The following CST7 variants were observed in gnomAD, a reference collection of about 807,000 sequenced individuals.
CST7 encodes the protein cystatin F.
CST7 carries 15 observed loss-of-function variants against 13.1 expected under a neutral mutation model. The ratio of observed to expected loss-of-function variants is 1.14; its 90% CI spans 0.77 to 1.76. The LOEUF is 1.76. CST7 is among the 40% of genes most tolerant of loss of function. The pLI, the probability that CST7 is intolerant of heterozygous loss-of-function variation, is 0.00. For missense variants in CST7, 193 were observed against 178.8 expected (o/e 1.08, Z -0.45); for synonymous variants, 75 against 66.9 (o/e 1.12, Z -0.59).
intron 1 of CST7, among the ~76,000 whole-genome samples, chr20:24,956,993 ACAGGTG>A (rs2087859361): frequency 1.7e-4 from 2 of 11,726 alleles, no homozygotes; most frequent in Admixed American, 8.6e-4. Flanking sequence ...GTCGGGGGGG[ACAGGTG>A]AGGGGGCAGG....
In CST7 at chr20:24,959,044, G is replaced by A. The variant is rs1382821702; in HGVS notation, c.360G>A (p.Gln120=). Residue 120 remains glutamine, a splice_region_variant and synonymous_variant, in exon 3 of 4, where the codon CAG becomes CAA. Coordinates refer to ENST00000480798, the MANE Select transcript of CST7 (RefSeq NM_003650.4). ...CDFQTNHTLK[Q]TLSCYSEVWV... is the part of the protein sequence containing the mutation. The stretch of plus-strand genomic sequence containing the variant: ...TCCAAACCAACCACACCTTGAAGCA[G>A]GTAAAGCAGCAGGCCCTTCTCTCAG... The A allele has an allele frequency of 2.5e-6, 4 of 1,611,388 alleles. No individual in the cohort carries two copies. The highest frequency in any genetic ancestry group is 1.1e-5 in the South Asian group (1 of 91,010).
intron 2 of CST7, among the ~76,000 whole-genome samples, chr20:24,958,220 G>A (rs182187556): frequency 2.0e-3 from 311 of 152,194 alleles, no homozygotes; most frequent in Non-Finnish European, 3.5e-3. Context: ...TATGAGAATC[G>A]TGGGTGTGTA....
At chr20:24,953,773 C>G (rs2087835642) in intron 1 of CST7, among the ~76,000 whole-genome samples, 1 of 152,214 alleles carries the variant, frequency 6.6e-6, no homozygotes, top group African/African-American at 2.4e-5. Context: ...TCCCCCATTC[C>G]CCTCGAGCAG....
Position 24,949,522 on chromosome 20 carries a change from CTCTGCTGGCCT to C in CST7, c.25_35del (p.Ala9ProfsTer19). ...CGGGCAGCCATGCGAGCGGCTGGAACTCTGCTGGCCTTCTGCTGCCTGGTCTTGAGCACCAC... is the reference window on the plus strand; with the variant it reads ...CGGGCAGCCATGCGAGCGGCTGGAACTCTGCTGCCTGGTCTTGAGCACCAC... On this transcript the variant is annotated frameshift_variant, in exon 1 of 4. Coordinates refer to ENST00000480798, the MANE Select transcript of CST7 (RefSeq NM_003650.4). LOFTEE classifies it high-confidence loss of function. 2 of 1,614,174 alleles carry C rather than the reference CTCTGCTGGCCT, an allele frequency of 1.2e-6. No individual in the cohort carries two copies. Among genetic ancestry groups the C allele is most frequent in the Non-Finnish European group, 1.7e-6 (2 of 1,180,046 alleles).
chr20:24,952,655 G>A (rs2087827433), intron 1 of CST7, among the ~76,000 whole-genome samples: 2 of 152,176 alleles, frequency 1.3e-5, no homozygotes. Context: ...TGGGTGATGG[G>A]GGCCGATGGG....
chr20:24,953,200 C>A (rs944051881), intron 1 of CST7, among the ~76,000 whole-genome samples: 15 of 152,202 alleles, frequency 9.9e-5, no homozygotes, highest in Non-Finnish European at 1.8e-4. Flanking sequence ...CCAGTAGATG[C>A]TCAGAAACAC....
intron 1 of CST7, among the ~76,000 whole-genome samples, chr20:24,951,366 C>T (rs1481023923): frequency 1.3e-5 from 2 of 152,234 alleles, no homozygotes; most frequent in Admixed American, 6.5e-5. Context: ...CAGCCCCCTG[C>T]TCTGTCTAGT....
intron 1 of CST7, among the ~76,000 whole-genome samples, chr20:24,956,428 A>G (rs1444661533): frequency 6.6e-6 from 1 of 152,208 alleles, no homozygotes; most frequent in East Asian, 1.9e-4. Flanking sequence ...AGCAGGCACA[A>G]AGACGCACGT....
intron 3 of CST7, 84 bp downstream of exon 3, chr20:24,959,128 C>T (rs45556041): frequency 0.11 from 118,776 of 1,094,586 alleles, 7,185 homozygotes; most frequent in Middle Eastern, 0.2. Context: ...ACCGTCACCA[C>T]GTCTCTAACG....
At chr20:24,956,286 GC>G (rs2087853614) in intron 1 of CST7, among the ~76,000 whole-genome samples, 1 of 152,142 alleles carries the variant, frequency 6.6e-6, no homozygotes, top group Non-Finnish European at 1.5e-5. Flanking sequence ...CTCCTCTGGG[GC>G]CCTCGCTCTG....
intron 1 of CST7, among the ~76,000 whole-genome samples, chr20:24,953,304 G>C (rs1230721429): frequency 1.3e-5 from 2 of 152,214 alleles, no homozygotes; most frequent in African/African-American, 2.4e-5. Flanking sequence ...CTGGGGCCCG[G>C]GTTTTTAAGG....
intron 1 of CST7, among the ~76,000 whole-genome samples, chr20:24,950,257 C>T (rs756605727): frequency 1.3e-5 from 2 of 152,204 alleles, no homozygotes; most frequent in African/African-American, 2.4e-5. Flanking sequence ...CCTCATTTAA[C>T]CAACCAGGAA....
At chr20:24,957,592 G>A in intron 2 of CST7, 133 bp downstream of exon 2, 4 of 880,054 alleles carry the variant, frequency 4.5e-6, no homozygotes, top group Non-Finnish European at 7.1e-6. Flanking sequence ...GCAGAAAGCA[G>A]ATGCACAAGG....
rs753423813 is a variant in CST7, at chr20:24,959,702, G to T, written c.428G>T (p.Arg143Leu). ...CAGCACTTCGAGGTGCCTGTTCTCC[G>T]TTGTCACTGACCCCCGCCTCTTCAG... Reference protein sequence around the residue: ...WLQHFEVPVLRCH With the variant: ...WLQHFEVPVLLCH The change falls in exon 4 of 4, where the codon CGT becomes CTT. Residue 143 changes from arginine (R) to leucine (L), a missense_variant. Physicochemically the swap from Arg to Leu is moderately radical, Grantham distance 102 (BLOSUM62 -2). Transcript: ENST00000480798. 8.7e-6 allele frequency: 14 copies of T among 1,613,962 alleles called. No individual in the cohort carries two copies. In the East Asian group the frequency reaches 3.1e-4, roughly 36 times the overall value.
intron 1 of CST7, 144 bp downstream of exon 1, chr20:24,949,719 A>AG: frequency 9.4e-7 from 1 of 1,066,974 alleles, no homozygotes; most frequent in South Asian, 1.6e-5. Context: ...GAGTGGTGAG[A>AG]GGGGCAAGGG....
At chr20:24,951,213 G>A (rs554854476) in intron 1 of CST7, among the ~76,000 whole-genome samples, 11 of 152,278 alleles carry the variant, frequency 7.2e-5, no homozygotes, top group Non-Finnish European at 1.0e-4. Context: ...CACACAGAGC[G>A]GGCCCTCAGC....
chr20:24,951,709 C>A (rs1023156977), intron 1 of CST7, among the ~76,000 whole-genome samples: 17 of 152,196 alleles, frequency 1.1e-4, no homozygotes, highest in Non-Finnish European at 2.4e-4. Flanking sequence ...CTCTCCACAC[C>A]CATGCACTGA....
chr20:24,953,377 T>G (rs2087832711), intron 1 of CST7, among the ~76,000 whole-genome samples: 1 of 152,164 alleles, frequency 6.6e-6, no homozygotes, highest in Admixed American at 6.5e-5. Flanking sequence ...AGGAAGAAGC[T>G]GTATTTTCGT....
rs372284734 is a variant in CST7 at position 24,952,388 on chromosome 20, G to A, written c.70+2813G>A. ...GTCGGGACTGATCTGGTAGAGCTCA[G>A]TGTCCTGTCTGTGCCAGGGGCATGT... On this transcript the variant is annotated intron_variant, in intron 1 of 3. Transcript: ENST00000480798. Among the ~76,000 whole-genome samples the A allele has an allele frequency of 1.2e-4, 19 of 152,322 alleles. No homozygotes were observed. The East Asian group carries it at 3.3e-3, about 26-fold the overall frequency.
Sources: gnomAD v4.1 joint callset for allele counts (sites outside exome capture counted in the v4.1 genomes callset) on GRCh38, gnomAD v4.1.1 for gene constraint, MANE v1.5 for transcripts, NCBI Gene and HGNC (gene_info 2026-07-23, HGNC 2026-07-21) for gene names.